DPP10: variants seen among roughly 807,000 people sequenced by gnomAD.
DPP10 encodes the protein dipeptidyl peptidase like 10.
DPP10 carries 33 observed loss-of-function variants against 120.9 expected under a neutral mutation model. The ratio of observed to expected loss-of-function variants is 0.27; its 90% CI spans 0.21 to 0.37. The LOEUF (loss-of-function observed/expected upper bound fraction) is 0.37, where lower values mean the gene tolerates loss of function less well. Among genes scored for constraint, DPP10 ranks in the 10% least tolerant of loss-of-function variants. DPP10 has a pLI of 1.00. For synonymous variants in DPP10, 337 were observed against 326.1 expected (o/e 1.03, Z -0.36); for missense variants, 816 against 942.8 (o/e 0.87, Z 1.76).
intron 1 of DPP10, among the ~76,000 whole-genome samples, chr2:114,506,479 A>G (rs1573518097): frequency 6.6e-6 from 1 of 152,296 alleles, no homozygotes; most frequent in East Asian, 1.9e-4. Flanking sequence ...GAGTGCGGGT[A>G]CAAAAGGCTG....
intron 2 of DPP10, among the ~76,000 whole-genome samples, chr2:115,322,283 T>C (rs572586444): frequency 2.6e-5 from 4 of 152,330 alleles, no homozygotes; most frequent in African/African-American, 9.6e-5. Context: ...TCACCATGTA[T>C]GTTCTCTGAA....
At chr2:115,099,382 A>C (rs936049072) in intron 1 of DPP10, among the ~76,000 whole-genome samples, 4 of 152,154 alleles carry the variant, frequency 2.6e-5, no homozygotes, top group Non-Finnish European at 1.5e-5. Flanking sequence ...CCCCATTGTG[A>C]AACAGCAGCC....
chr2:114,504,846 G>T (rs1486028151), intron 1 of DPP10, among the ~76,000 whole-genome samples: 5 of 152,018 alleles, frequency 3.3e-5, no homozygotes, highest in African/African-American at 9.7e-5. Flanking sequence ...AAGGTCAGAA[G>T]TTCGAGACCA....
intron 1 of DPP10, among the ~76,000 whole-genome samples, chr2:115,231,428 T>C (rs2057729292): frequency 6.6e-6 from 1 of 152,152 alleles, no homozygotes; most frequent in Non-Finnish European, 1.5e-5. Context: ...GCACATACTT[T>C]ACAGTTTGAT....
At chr2:115,291,305 C>T (rs1467202683) in intron 1 of DPP10, among the ~76,000 whole-genome samples, 1 of 152,062 alleles carries the variant, frequency 6.6e-6, no homozygotes, top group East Asian at 1.9e-4. Context: ...CATCCCACCT[C>T]TGCTTCATTC....
intron 3 of DPP10, among the ~76,000 whole-genome samples, chr2:115,422,725 T>A (rs754117834): frequency 3.9e-5 from 6 of 152,186 alleles, no homozygotes; most frequent in Non-Finnish European, 8.8e-5. Flanking sequence ...TAATGTCAGT[T>A]CAGATATTGT....
intron 3 of DPP10, among the ~76,000 whole-genome samples, chr2:115,417,917 C>T (rs932199642): frequency 7.1e-6 from 1 of 140,844 alleles, no homozygotes; most frequent in African/African-American, 2.6e-5. Flanking sequence ...ATCATTACCT[C>T]CAGAATAATA....
At chr2:114,538,721 C>T (rs780753112) in intron 1 of DPP10, among the ~76,000 whole-genome samples, 14 of 152,116 alleles carry the variant, frequency 9.2e-5, no homozygotes, top group Middle Eastern at 3.2e-3. Flanking sequence ...ACTAATTTAG[C>T]GTAGATTAGT....
intron 3 of DPP10, among the ~76,000 whole-genome samples, chr2:115,355,570 A>G (rs927446151): frequency 6.6e-6 from 1 of 151,922 alleles, no homozygotes; most frequent in Admixed American, 6.6e-5. Context: ...ATTAGATCCC[A>G]TTTGTCAATT....
intron 3 of DPP10, among the ~76,000 whole-genome samples, chr2:115,446,913 G>A (rs1036816421): frequency 2.0e-5 from 3 of 152,158 alleles, no homozygotes; most frequent in Non-Finnish European, 2.9e-5. Flanking sequence ...TGAAATGCAC[G>A]AGGTTAGAAA....
chr2:114,704,866 G>A (rs913670696), intron 1 of DPP10, among the ~76,000 whole-genome samples: 1 of 152,072 alleles, frequency 6.6e-6, no homozygotes, highest in Non-Finnish European at 1.5e-5. Context: ...CTATAGTGGT[G>A]GAATCCTAAC....
intron 5 of DPP10, among the ~76,000 whole-genome samples, chr2:115,646,230 G>A (rs373272507): frequency 6.6e-6 from 1 of 152,066 alleles, no homozygotes; most frequent in East Asian, 1.9e-4. Flanking sequence ...GCTTCTACCT[G>A]GCAGTGATGG....
rs114964726 is a variant in DPP10, at chr2:114,587,525, C to T, written c.60+144687C>T. ...TATCTAAGTCATATTTATCAAGCTG[C>T]AGACAAAGCAACTGAGATGCCAATT... is the stretch of plus-strand genomic sequence containing the variant. On this transcript the variant is annotated intron_variant, in intron 1 of 25. Transcript: ENST00000410059. Among the ~76,000 whole-genome samples, 666 of 151,988 alleles carry T rather than the reference C, an allele frequency of 4.4e-3. 3 individuals are homozygous for T. The highest frequency in any genetic ancestry group is 7.3e-3 in the Non-Finnish European group (493 of 67,988).
chr2:115,580,534 C>T (rs1251340690), intron 5 of DPP10, among the ~76,000 whole-genome samples: 1 of 152,054 alleles, frequency 6.6e-6, no homozygotes, highest in Non-Finnish European at 1.5e-5. Context: ...TCCTATCTTC[C>T]TCTTCACATG....
chr2:115,496,777 A>G (rs1209874674), intron 3 of DPP10, among the ~76,000 whole-genome samples: 2 of 152,120 alleles, frequency 1.3e-5, no homozygotes, highest in East Asian at 3.9e-4. Flanking sequence ...TTGGTATTGC[A>G]GTAAAGAAGA....
chr2:115,527,011 C>T (rs978771773), intron 5 of DPP10, among the ~76,000 whole-genome samples: 1 of 151,992 alleles, frequency 6.6e-6, no homozygotes, highest in African/African-American at 2.4e-5. Flanking sequence ...AAGAAAAATA[C>T]TTGACATTTA....
At chr2:115,493,510 G>C (rs2076232069) in intron 3 of DPP10, among the ~76,000 whole-genome samples, 1 of 126,550 alleles carries the variant, frequency 7.9e-6, no homozygotes, top group South Asian at 2.7e-4. Flanking sequence ...TCACTGAAGA[G>C]CTGTTGGAAA....
intron 3 of DPP10, among the ~76,000 whole-genome samples, chr2:115,420,419 T>C (rs1483979040): frequency 1.3e-5 from 2 of 152,186 alleles, no homozygotes; most frequent in East Asian, 3.9e-4. Context: ...TTAGAGTCCA[T>C]GTATAACAGA....
Position 114,929,389 on chromosome 2 carries a change from T to C in DPP10, c.61-379850T>C, listed in dbSNP as rs569266758. ...CCTAATCCTAGCAAGCCTGAGGGCATTGCAGCAGACCAGGGCTTATTTCAT... is the reference window on the plus strand; with the variant it reads ...CCTAATCCTAGCAAGCCTGAGGGCACTGCAGCAGACCAGGGCTTATTTCAT... On this transcript the variant is annotated intron_variant, in intron 1 of 25. Transcript: ENST00000410059. Among the ~76,000 whole-genome samples, 8 of 152,326 alleles carry C rather than the reference T, an allele frequency of 5.3e-5. No homozygotes were observed. The East Asian group carries it at 1.4e-3, about 26-fold the overall frequency.
Sources: gnomAD v4.1 joint callset for allele counts (sites outside exome capture counted in the v4.1 genomes callset) on GRCh38, gnomAD v4.1.1 for gene constraint, MANE v1.5 for transcripts, NCBI Gene and HGNC (gene_info 2026-07-23, HGNC 2026-07-21) for gene names.